Variants in CYP26B1 observed in about 807,000 individuals in gnomAD.
The protein encoded by CYP26B1 is cytochrome P450 26B1.
A neutral mutation model predicts 39.1 loss-of-function variants in CYP26B1; 8 were observed. The ratio of observed to expected loss-of-function variants is 0.20; its 90% CI spans 0.12 to 0.37. The LOEUF (loss-of-function observed/expected upper bound fraction) is 0.37. Ranked by LOEUF, CYP26B1 falls within the 10% of genes least tolerant of loss-of-function variation. The pLI is 1.00. For synonymous variants in CYP26B1, 321 were observed against 314.3 expected (o/e 1.02, Z -0.23); for missense variants, 615 against 707.0 (o/e 0.87, Z 1.48).
chr2:72,135,427 G>T lies in CYP26B1; in HGVS notation c.430-8C>A. The T allele has an allele frequency of 6.2e-7, 1 of 1,607,618 alleles. No individual in the cohort carries two copies. On this transcript the variant is annotated splice_polypyrimidine_tract_variant and splice_region_variant and intron_variant, in intron 2 of 5. Transcript: ENST00000001146. ...GAAGATCTTGGAGAAGACCTGGAAG[G>T]CAGAGAGGCAAGTGGGTGAGCCGAT... is the stretch of plus-strand genomic sequence containing the variant.
At chr2:72,143,196 G>C (rs1676996990) in intron 2 of CYP26B1, 1 of 154,634 alleles carries the variant, frequency 6.5e-6, no homozygotes, top group Admixed American at 6.5e-5. Flanking sequence ...GCGGCTTAGG[G>C]CCCGCCCGCT....
intron 2 of CYP26B1, among the ~76,000 whole-genome samples, chr2:72,136,214 T>C (rs1458769161): frequency 2.0e-5 from 3 of 152,090 alleles, no homozygotes; most frequent in South Asian, 2.1e-4. Context: ...CCACCAGAGT[T>C]CAGATGAGAA....
chr2:72,132,614 G>A lies in CYP26B1; in HGVS notation c.1152C>T (p.Phe384=). The A allele has an allele frequency of 1.2e-6, 2 of 1,603,544 alleles. No individual in the cohort carries two copies. The highest frequency in any genetic ancestry group is 1.7e-6 in the Non-Finnish European group (2 of 1,175,456). Reference sequence around the variant, plus strand: ...TGACACTCCAGCCTTTGGGGATCTGGAAACCCTGGAGCAAGATGGGGGCCG... The same window carrying A: ...TGACACTCCAGCCTTTGGGGATCTGAAAACCCTGGAGCAAGATGGGGGCCG... ...TVLQTFELDG[F]QIPKGWSVMY... Residue 384 remains phenylalanine, a synonymous_variant, in exon 6 of 6, where the codon TTC becomes TTT. Transcript: ENST00000001146.
At chr2:72,144,424 G>T in intron 1 of CYP26B1, 5 of 1,362,110 alleles carry the variant, frequency 3.7e-6, no homozygotes, top group Non-Finnish European at 3.8e-6. Flanking sequence ...GCAAGGAGGC[G>T]GAGGCCCAGG....
At chr2:72,145,595 CCTCGCTCCGTCTCA>C (rs1050841066) in intron 1 of CYP26B1, among the ~76,000 whole-genome samples, 1 of 152,218 alleles carries the variant, frequency 6.6e-6, no homozygotes, top group African/African-American at 2.4e-5. Flanking sequence ...TACCCGTCTC[CCTCGCTCCGTCTCA>C]CTCTCCGTCT....
At chr2:72,144,755 G>C (rs1354170208) in intron 1 of CYP26B1, among the ~76,000 whole-genome samples, 1 of 152,218 alleles carries the variant, frequency 6.6e-6, no homozygotes, top group Non-Finnish European at 1.5e-5. Context: ...GGACTCTGCA[G>C]GGCGGGGTCA....
At chr2:72,141,551 C>A (rs754055534) in intron 2 of CYP26B1, among the ~76,000 whole-genome samples, 2 of 152,216 alleles carry the variant, frequency 1.3e-5, no homozygotes, top group African/African-American at 4.8e-5. Context: ...ACCTCCTAAC[C>A]AGGCCAGTCC....
chr2:72,145,697 G>A (rs1018603676), intron 1 of CYP26B1, among the ~76,000 whole-genome samples: 1 of 151,924 alleles, frequency 6.6e-6, no homozygotes, highest in African/African-American at 2.4e-5. Context: ...GGTCGCCGCC[G>A]CCTCGCCCCC....
rs892623545 is a variant in CYP26B1 at position 72,147,547 on chromosome 2, G to C, written c.204+84C>G. ...GGACCAGTGCCTTCAGGCTCCCGGCGCCCCCTGGCCGGCCCGCCGCTCCGT... is the reference window on the plus strand; with the variant it reads ...GGACCAGTGCCTTCAGGCTCCCGGCCCCCCCTGGCCGGCCCGCCGCTCCGT... On this transcript the variant is annotated intron_variant, in intron 1 of 5. Coordinates refer to ENST00000001146, the MANE Select transcript of CYP26B1 (RefSeq NM_019885.4). The surrounding 1 kb of genome is among the most constrained non-coding windows in gnomAD (Gnocchi z 6.1). The C allele has an allele frequency of 2.2e-6, 3 of 1,375,038 alleles. No individual in the cohort carries two copies. Among genetic ancestry groups the C allele is most frequent in the Non-Finnish European group, 2.9e-6 (3 of 1,035,920 alleles). 85.2% of individuals were successfully genotyped at this position (1,375,038 alleles called of 1,614,324 possible).
At chr2:72,144,456 T>A in intron 1 of CYP26B1, 1 of 1,315,070 alleles carries the variant, frequency 7.6e-7, no homozygotes. Context: ...GAGGCTGTTT[T>A]TTGGTAATGA....
At chr2:72,144,423 C>T (rs1677056676) in intron 1 of CYP26B1, 2 of 1,358,592 alleles carry the variant, frequency 1.5e-6, no homozygotes, top group East Asian at 2.7e-5. Context: ...TGCAAGGAGG[C>T]GGAGGCCCAG....
At chr2:72,146,583 C>T (rs967849339) in intron 1 of CYP26B1, among the ~76,000 whole-genome samples, 1 of 152,268 alleles carries the variant, frequency 6.6e-6, no homozygotes, top group Non-Finnish European at 1.5e-5. Flanking sequence ...TCAAGCCAAG[C>T]TTTCGCACCT....
chr2:72,140,890 GTCCC>G (rs1676925071), intron 2 of CYP26B1, among the ~76,000 whole-genome samples: 1 of 152,194 alleles, frequency 6.6e-6, no homozygotes, highest in Admixed American at 6.5e-5. Context: ...CCAAGGCTAA[GTCCC>G]TCCCTTGAAA....
At chr2:72,132,672 A>G (rs1676628762) in intron 5 of CYP26B1, 53 bp from the exon 6 acceptor site, 8 of 1,554,550 alleles carry the variant, frequency 5.1e-6, no homozygotes, top group Non-Finnish European at 5.2e-6. Context: ...AGGAGCCCAC[A>G]GAGGGCCCAG....
chr2:72,146,518 G>T (rs1453219609), intron 1 of CYP26B1, among the ~76,000 whole-genome samples: 1 of 152,230 alleles, frequency 6.6e-6, no homozygotes, highest in Non-Finnish European at 1.5e-5. Flanking sequence ...ACTCGTCCCG[G>T]GGCAGGGTGA....
Position 72,132,092 on chromosome 2 carries a change from G to T in CYP26B1, c.*135C>A. 1 of 1,046,084 alleles carries T rather than the reference G, an allele frequency of 9.6e-7. No homozygotes were observed. Among genetic ancestry groups the T allele is most frequent in the Non-Finnish European group, 1.4e-6 (1 of 724,216 alleles). 64.8% of individuals were successfully genotyped at this position (1,046,084 alleles called of 1,614,324 possible). A position where few individuals can be genotyped will look rare whatever the true frequency, so the allele number is the denominator to read the frequency against. Reference sequence around the variant, plus strand: ...CACTGGCTTTGGGTAGGGTTTGCCAGGGAGGGGGAGCAAGGGAGGGCAAGT... The same window carrying T: ...CACTGGCTTTGGGTAGGGTTTGCCATGGAGGGGGAGCAAGGGAGGGCAAGT... On this transcript the variant is annotated 3_prime_UTR_variant, in exon 6 of 6. Coordinates refer to ENST00000001146, the MANE Select transcript of CYP26B1 (RefSeq NM_019885.4).
In CYP26B1 at chr2:72,131,251, GGAGT is replaced by G. The variant is rs1464071141; in HGVS notation, c.*972_*975del. The G allele has an allele frequency of 6.6e-6, 1 of 152,564 alleles. No homozygotes were observed. Among genetic ancestry groups the G allele is most frequent in the East Asian group, 1.9e-4 (1 of 5,174 alleles). The allele number at this position is 152,564 out of a possible 1,614,324, so 9.5% of individuals were successfully genotyped here. A position where few individuals can be genotyped will look rare whatever the true frequency, so the allele number is the denominator to read the frequency against. ...GGCAGAGGCACCGGACTTCAGTCCAGGAGTGAGGCTCCGAGATTAAACCCAAATA... is the reference window on the plus strand; with the variant it reads ...GGCAGAGGCACCGGACTTCAGTCCAGGAGGCTCCGAGATTAAACCCAAATA... On this transcript the variant is annotated 3_prime_UTR_variant, in exon 6 of 6. Coordinates refer to ENST00000001146, the MANE Select transcript of CYP26B1 (RefSeq NM_019885.4).
intron 2 of CYP26B1, among the ~76,000 whole-genome samples, chr2:72,141,132 C>T (rs1168975991): frequency 1.3e-5 from 2 of 152,084 alleles, no homozygotes; most frequent in Non-Finnish European, 2.9e-5. Flanking sequence ...CTCCATCTGC[C>T]CTTCTACGGC....
At chr2:72,142,407 G>C (rs1351552239) in intron 2 of CYP26B1, among the ~76,000 whole-genome samples, 1 of 152,178 alleles carries the variant, frequency 6.6e-6, no homozygotes, top group Admixed American at 6.5e-5. Context: ...TCTCCTCCGG[G>C]GCCCAGAGAC....
Sources: gnomAD v4.1 joint callset for allele counts (sites outside exome capture counted in the v4.1 genomes callset) on GRCh38, gnomAD v4.1.1 for gene constraint, Gnocchi (gnomAD v3.1) non-coding constraint, MANE v1.5 for transcripts, NCBI Gene and HGNC (gene_info 2026-07-23, HGNC 2026-07-21) for gene names.